FAM227B: variants seen among roughly 807,000 people sequenced by gnomAD.
The protein encoded by FAM227B is protein FAM227B.
Under a neutral mutation model 73.8 loss-of-function variants are expected in FAM227B, and 88 were observed. That is an observed-to-expected ratio of 1.19 (90% CI 1.00 to 1.42). The LOEUF (loss-of-function observed/expected upper bound fraction) is 1.42, where lower values mean the gene tolerates loss of function less well. Ranked by LOEUF, FAM227B falls within the 40% of genes most tolerant of loss-of-function variation. The probability of loss-of-function intolerance (pLI) is 0.00; values close to 1 mark genes in which losing one functional copy is unlikely to be tolerated. For missense variants in FAM227B, 632 were observed against 590.9 expected, an observed-to-expected ratio of 1.07 and a Z score of -0.72; for synonymous variants, 210 against 190.5, an observed-to-expected ratio of 1.10 and a Z score of -0.84.
intron 10 of FAM227B, among the ~76,000 whole-genome samples, chr15:49,508,762 T>C (rs1341556558): frequency 1.3e-5 from 2 of 152,206 alleles, no homozygotes; most frequent in African/African-American, 4.8e-5. Context: ...TAAATGTTTT[T>C]AGATACAGTT....
Position 49,383,392 on chromosome 15 carries a change from T to C in FAM227B, c.1013-11993A>G, listed in dbSNP as rs2151532633. 1.3e-5 allele frequency among the ~76,000 whole-genome samples: 2 copies of C among 152,230 alleles called. 1 individual carries two copies. Among genetic ancestry groups the C allele is most frequent in the South Asian group, 4.1e-4 (2 of 4,824 alleles). On this transcript the variant is annotated intron_variant, in intron 11 of 15. Coordinates refer to ENST00000299338, the MANE Select transcript of FAM227B (RefSeq NM_152647.3). ...GTCAGCATTTTTTAGCAGTAAACTA[T>C]TTTTAAATTAAGGTATGCACTTTTT... is the stretch of plus-strand genomic sequence containing the variant.
intron 12 of FAM227B, 90 bp from the exon 13 acceptor site, chr15:49,367,698 G>A (rs1037820148): frequency 2.5e-6 from 3 of 1,204,698 alleles, no homozygotes; most frequent in African/African-American, 3.2e-5. Context: ...TTAGCATAAA[G>A]TTACCATTTG....
intron 6 of FAM227B, chr15:49,577,139 A>G (rs1297752997): frequency 3.5e-6 from 1 of 282,370 alleles, no homozygotes; most frequent in Non-Finnish European, 6.8e-6. Context: ...TCTATTAAAA[A>G]TACAAAAATT....
chr15:49,500,743 T>C (rs906340771), intron 11 of FAM227B, among the ~76,000 whole-genome samples: 6 of 152,176 alleles, frequency 3.9e-5, no homozygotes, highest in Non-Finnish European at 7.3e-5. Context: ...CATGTTGAAA[T>C]GTAATCCCCA....
In FAM227B at chr15:49,477,265, G is replaced by C. The variant is rs542310046; in HGVS notation, c.1012+30946C>G. Among the ~76,000 whole-genome samples, 6 of 152,262 alleles carry C rather than the reference G, an allele frequency of 3.9e-5. No homozygotes were observed. The East Asian group carries it at 1.2e-3, about 29-fold the overall frequency. On this transcript the variant is annotated intron_variant, in intron 11 of 15. Coordinates refer to ENST00000299338, the MANE Select transcript of FAM227B (RefSeq NM_152647.3). Reference sequence around the variant, plus strand: ...ATGAGTTCTGACAAATGTATATCATGTATCCACTATTACAGTATTACGCAG... The same window carrying C: ...ATGAGTTCTGACAAATGTATATCATCTATCCACTATTACAGTATTACGCAG...
chr15:49,374,290 C>T (rs948243279), intron 11 of FAM227B, among the ~76,000 whole-genome samples: 3 of 151,990 alleles, frequency 2.0e-5, no homozygotes, highest in African/African-American at 7.2e-5. Flanking sequence ...TTAGTTGTTC[C>T]AATGAAGTCT....
intron 11 of FAM227B, among the ~76,000 whole-genome samples, chr15:49,439,911 G>C (rs2051477923): frequency 6.6e-6 from 1 of 151,736 alleles, no homozygotes; most frequent in Admixed American, 6.6e-5. Context: ...ATTTTGACAT[G>C]AAGTTTGCAG....
At chr15:49,491,707 ACACACACACATATG>A (rs912625712) in intron 11 of FAM227B, among the ~76,000 whole-genome samples, 6 of 141,232 alleles carry the variant, frequency 4.2e-5, no homozygotes, top group African/African-American at 1.7e-4. Context: ...GATTGCACAC[ACACACACACATATG>A]CACACACACA....
At chr15:49,576,424 G>T in intron 7 of FAM227B, 1 of 184,158 alleles carries the variant, frequency 5.4e-6, no homozygotes, top group East Asian at 1.5e-4. Flanking sequence ...CTTATTTCAG[G>T]ATCAAAAATG....
intron 13 of FAM227B, among the ~76,000 whole-genome samples, chr15:49,361,765 A>G (rs1464056915): frequency 2.6e-5 from 4 of 152,132 alleles, no homozygotes; most frequent in Non-Finnish European, 5.9e-5. Flanking sequence ...TATACTCAGT[A>G]ATAGTATTGC....
At chr15:49,602,555 A>G (rs58370889) in intron 3 of FAM227B, among the ~76,000 whole-genome samples, 9,487 of 152,274 alleles carry the variant, frequency 0.062, 1,044 homozygotes, top group African/African-American at 0.22. Flanking sequence ...ATCCCTTATC[A>G]GATGAGTAAT....
At chr15:49,354,931 C>T (rs1229389066) in intron 13 of FAM227B, among the ~76,000 whole-genome samples, 2 of 151,952 alleles carry the variant, frequency 1.3e-5, no homozygotes, top group Non-Finnish European at 2.9e-5. Flanking sequence ...GGTCCCTGAC[C>T]CCTGACCCTC....
intron 11 of FAM227B, among the ~76,000 whole-genome samples, chr15:49,454,090 G>A (rs144662293): frequency 6.6e-6 from 1 of 152,304 alleles, no homozygotes; most frequent in African/African-American, 2.4e-5. Flanking sequence ...GCGTAGGTTT[G>A]AAACTCTGCT....
intron 11 of FAM227B, among the ~76,000 whole-genome samples, chr15:49,474,962 G>A (rs1249497135): frequency 6.6e-6 from 1 of 151,446 alleles, no homozygotes; most frequent in Admixed American, 6.6e-5. Context: ...ATGAATTTAA[G>A]ATAATTTGAA....
chr15:49,392,570 G>A (rs1047222137), intron 11 of FAM227B, among the ~76,000 whole-genome samples: 3 of 152,164 alleles, frequency 2.0e-5, no homozygotes, highest in Non-Finnish European at 4.4e-5. Flanking sequence ...ACCACCCTGA[G>A]TGTCCTTACT....
intron 9 of FAM227B, among the ~76,000 whole-genome samples, chr15:49,549,219 A>G (rs1480430791): frequency 2.0e-5 from 3 of 152,066 alleles, no homozygotes; most frequent in East Asian, 1.9e-4. Context: ...TCGTTTGTTT[A>G]AAGAGATTTT....
At chr15:49,603,687 AAGTT>A (rs2077343491) in intron 3 of FAM227B, among the ~76,000 whole-genome samples, 1 of 152,126 alleles carries the variant, frequency 6.6e-6, no homozygotes, top group South Asian at 2.1e-4. Context: ...ATAGCAGTGA[AAGTT>A]AGAATAATAG....
rs67362920 is a variant in FAM227B at position 49,465,304 on chromosome 15, C to CTT, written c.1012+42905_1012+42906dup. On this transcript the variant is annotated intron_variant, in intron 11 of 15. Coordinates refer to ENST00000299338, the MANE Select transcript of FAM227B (RefSeq NM_152647.3). The stretch of plus-strand genomic sequence containing the variant: ...GCCACCATGTCTGGCTTTTCTTTTT[C>CTT]TTTTTTTTTTTTTTGGTAGAGATGG... Among the ~76,000 whole-genome samples, 138 of 140,574 alleles carry CTT rather than the reference C, an allele frequency of 9.8e-4. 1 individual carries two copies. Among genetic ancestry groups the CTT allele is most frequent in the Admixed American group, 2.2e-3 (31 of 14,036 alleles). 92.2% of individuals were successfully genotyped at this position (140,574 alleles called of 152,430 possible). A position where few individuals can be genotyped will look rare whatever the true frequency, so the allele number is the denominator to read the frequency against.
At chr15:49,519,775 A>G (rs2059651525) in intron 10 of FAM227B, among the ~76,000 whole-genome samples, 1 of 152,118 alleles carries the variant, frequency 6.6e-6, no homozygotes, top group African/African-American at 2.4e-5. Context: ...TGCCCTGGAG[A>G]TATTTTCCCC....
Sources: gnomAD v4.1 joint callset for allele counts (sites outside exome capture counted in the v4.1 genomes callset) on GRCh38, gnomAD v4.1.1 for gene constraint, MANE v1.5 for transcripts, NCBI Gene and HGNC (gene_info 2026-07-23, HGNC 2026-07-21) for gene names.